Variants in FN1 observed in about 807,000 individuals in gnomAD.
FN1 encodes fibronectin 1, also known as fibronectin.
Under a neutral mutation model 297.3 loss-of-function variants are expected in FN1, and 106 were observed. The observed-to-expected ratio is 0.36, with a 90% CI of 0.30 to 0.42. FN1 has a LOEUF of 0.42. Among genes scored for constraint, FN1 ranks in the 10% least tolerant of loss-of-function variants. The pLI is 1.00. For synonymous variants in FN1, 1,149 were observed against 1,152.6 expected (o/e 1.00, Z 0.06); for missense variants, 2,690 against 3,124.9 (o/e 0.86, Z 3.32).
At chr2:215,412,752 T>C (rs536570457) in intron 13 of FN1, among the ~76,000 whole-genome samples, 29 of 136,930 alleles carry the variant, frequency 2.1e-4, no homozygotes, top group African/African-American at 7.4e-4. Flanking sequence ...AAGTATTATA[T>C]TAAGTATCTT....
chr2:215,367,761 G>T, intron 42 of FN1, 102 bp downstream of exon 42: 1 of 1,159,868 alleles, frequency 8.6e-7, no homozygotes, highest in Non-Finnish European at 1.3e-6. Context: ...CTTCATGTTT[G>T]GAAGAACCTG....
In FN1 at chr2:215,391,749, C is replaced by T. The variant is rs755086558; in HGVS notation, c.4135G>A (p.Ala1379Thr). The part of the protein sequence containing the change: ...IGPDTMRVTW[A>T]PPPSIDLTNF... ...GTTAAATCAATGGATGGGGGTGGAGCCCAGGTGACACGCATGGTGTCTGGA... is the reference window on the plus strand; with the variant it reads ...GTTAAATCAATGGATGGGGGTGGAGTCCAGGTGACACGCATGGTGTCTGGA... The change falls in exon 26 of 46, where the codon GCT becomes ACT. Residue 1379 changes from alanine to threonine, a missense_variant. By Grantham distance (58) the Ala-to-Thr change is moderately conservative. Coordinates refer to ENST00000354785, the MANE Select transcript of FN1 (RefSeq NM_212482.4). 6.2e-7 allele frequency: 1 copy of T among 1,614,080 alleles called. No homozygotes were observed. The highest frequency in any genetic ancestry group is 8.5e-7 in the Non-Finnish European group (1 of 1,179,986).
In FN1 at chr2:215,383,497, CA is replaced by C; in HGVS notation, c.4895-15del. The C allele has an allele frequency of 6.2e-7, 1 of 1,614,050 alleles. No individual in the cohort carries two copies. Among genetic ancestry groups the C allele is most frequent in the South Asian group, 1.1e-5 (1 of 91,080 alleles). On this transcript the variant is annotated splice_polypyrimidine_tract_variant and intron_variant, in intron 30 of 45. Coordinates refer to ENST00000354785, the MANE Select transcript of FN1 (RefSeq NM_212482.4). ...GTTTGTCAATTTCTACAAATAAAAGCAGGGAGAAACCAGTGAAGCCCCAGTC... is the reference window on the plus strand; with the variant it reads ...GTTTGTCAATTTCTACAAATAAAAGCGGGAGAAACCAGTGAAGCCCCAGTC...
intron 19 of FN1, among the ~76,000 whole-genome samples, chr2:215,405,728 G>A (rs1004287705): frequency 3.3e-5 from 5 of 152,054 alleles, no homozygotes; most frequent in Admixed American, 3.3e-4. Context: ...TGGCGACAGA[G>A]CGAGACTCCA....
intron 8 of FN1, 73 bp from the exon 9 acceptor site, chr2:215,423,599 T>C: frequency 7.1e-7 from 1 of 1,399,784 alleles, no homozygotes; most frequent in Non-Finnish European, 1.0e-6. Context: ...GAATTACTGG[T>C]CTGAGAGAGC....
intron 17 of FN1, among the ~76,000 whole-genome samples, chr2:215,407,694 T>A (rs1482164258): frequency 6.6e-6 from 1 of 152,180 alleles, no homozygotes; most frequent in African/African-American, 2.4e-5. Context: ...TAGCACTGTG[T>A]GTGTCTTTTT....
intron 11 of FN1, among the ~76,000 whole-genome samples, chr2:215,420,368 C>CAAACA (rs1559551401): frequency 4.8e-4 from 69 of 143,882 alleles, no homozygotes; most frequent in African/African-American, 1.7e-3. Context: ...CAAAAACAAA[C>CAAACA]AAAAAAAAAA....
chr2:215,372,439 GATA>G (rs1268913981), intron 39 of FN1, 64 bp from the exon 40 acceptor site: 7 of 1,160,242 alleles, frequency 6.0e-6, no homozygotes, highest in Non-Finnish European at 5.2e-6. Context: ...TAGCAGCAAT[GATA>G]ATAATCGATT....
At chr2:215,409,252 T>C (rs1056531481) in intron 15 of FN1, among the ~76,000 whole-genome samples, 2 of 152,128 alleles carry the variant, frequency 1.3e-5, no homozygotes, top group Non-Finnish European at 2.9e-5. Flanking sequence ...GTGCTCACAT[T>C]GTCAGCTGCA....
At chr2:215,392,125 C>A in intron 25 of FN1, 1 of 333,052 alleles carries the variant, frequency 3.0e-6, no homozygotes, top group South Asian at 2.9e-5. Context: ...TTATCCCAGG[C>A]CGAAGAGGCT....
intron 15 of FN1, 38 bp downstream of exon 15, chr2:215,409,525 C>T (rs767161229): frequency 1.9e-6 from 3 of 1,603,826 alleles, no homozygotes; most frequent in Admixed American, 3.3e-5. Context: ...TTTCCAGCAG[C>T]TGCCCTGAAC....
chr2:215,432,242 C>A (rs1468324303), intron 3 of FN1, among the ~76,000 whole-genome samples: 2 of 152,018 alleles, frequency 1.3e-5, no homozygotes, highest in African/African-American at 4.8e-5. Context: ...GAAATTGGGT[C>A]CTAAGCAGAA....
In FN1 at chr2:215,420,788, A is replaced by C; in HGVS notation, c.1560T>G (p.Val520=). The C allele has an allele frequency of 3.7e-6, 6 of 1,614,060 alleles. No individual in the cohort carries two copies. Among genetic ancestry groups the C allele is most frequent in the Non-Finnish European group, 4.2e-6 (5 of 1,179,900 alleles). ...CGTTCACATTGTAAGTGATGTCATC[A>C]ACAATGCACTGATCTGTTTAGGAAA... ...AYSQLRDQCI[V]DDITYNVNDT... Residue 520 remains valine, a synonymous_variant, in exon 11 of 46, where the codon GTT becomes GTG. Coordinates refer to ENST00000354785, the MANE Select transcript of FN1 (RefSeq NM_212482.4).
chr2:215,389,008 A>G (rs916859789), intron 26 of FN1, among the ~76,000 whole-genome samples: 4 of 152,008 alleles, frequency 2.6e-5, no homozygotes, highest in Non-Finnish European at 5.9e-5. Context: ...AGCCACACTT[A>G]GAAAGCAATC....
chr2:215,418,056 A>G (rs1278608706), intron 12 of FN1, among the ~76,000 whole-genome samples: 2 of 152,192 alleles, frequency 1.3e-5, no homozygotes, highest in East Asian at 3.8e-4. Context: ...CCACAATCAG[A>G]TTTAAATATA....
Position 215,407,051 on chromosome 2 carries a change from G to C in FN1, c.2713+76C>G, listed in dbSNP as rs1054758263. On this transcript the variant is annotated intron_variant, in intron 18 of 45. Coordinates refer to ENST00000354785, the MANE Select transcript of FN1 (RefSeq NM_212482.4). ...AGATTTCTTGAATGAGAGGACTGTTGACAGAGACAAAACAACCCTCCTTCA... is the reference window on the plus strand; with the variant it reads ...AGATTTCTTGAATGAGAGGACTGTTCACAGAGACAAAACAACCCTCCTTCA... 30 of 1,115,566 alleles carry C rather than the reference G, an allele frequency of 2.7e-5. No homozygotes were observed. In the South Asian group the frequency reaches 3.5e-4, roughly 13 times the overall value. 69.1% of individuals were successfully genotyped at this position (1,115,566 alleles called of 1,614,324 possible). A position where few individuals can be genotyped will look rare whatever the true frequency, so the allele number is the denominator to read the frequency against.
At position 215,394,549 on chromosome 2, in the gene FN1, T is replaced by C. The variant is rs2060080043; in HGVS notation, c.3775A>G (p.Ile1259Val). Residue 1259 changes from isoleucine (I) to valine (V), a missense_variant, in exon 24 of 46, where the codon ATC becomes GTC. Ile to Val is a conservative substitution (Grantham distance 29). Coordinates refer to ENST00000354785, the MANE Select transcript of FN1 (RefSeq NM_212482.4). Reference protein sequence around the residue: ...TVKDDKESVPISDTIIPEVPQ... With the variant: ...TVKDDKESVPVSDTIIPEVPQ... ...TTACCTGGGATGATGGTATCAGAGA[T>C]AGGGACACTTTCCTTGTCATCCTTG... 19 of 1,613,764 alleles carry C rather than the reference T, an allele frequency of 1.2e-5. No homozygotes were observed. The highest frequency in any genetic ancestry group is 1.6e-5 in the Non-Finnish European group (19 of 1,179,744).
intron 10 of FN1, 53 bp from the exon 11 acceptor site, chr2:215,420,854 A>G: frequency 6.4e-7 from 1 of 1,569,136 alleles, no homozygotes; most frequent in Non-Finnish European, 8.8e-7. Flanking sequence ...TCCATTGATG[A>G]AAGAAAAAAG....
intron 10 of FN1, among the ~76,000 whole-genome samples, chr2:215,421,433 A>C (rs903396969): frequency 1.3e-5 from 2 of 152,208 alleles, no homozygotes; most frequent in African/African-American, 4.8e-5. Context: ...CAGTTCTGCA[A>C]CACCACATGT....
Sources: gnomAD v4.1 joint callset for allele counts (sites outside exome capture counted in the v4.1 genomes callset) on GRCh38, gnomAD v4.1.1 for gene constraint, MANE v1.5 for transcripts, NCBI Gene and HGNC (gene_info 2026-07-23, HGNC 2026-07-21) for gene names.